POLA1: variants seen among roughly 807,000 people sequenced by gnomAD.
POLA1 encodes the protein DNA polymerase alpha 1, catalytic subunit, also known as DNA polymerase alpha catalytic subunit.
A neutral mutation model predicts 124.0 loss-of-function variants in POLA1; 15 were observed. The ratio of observed to expected loss-of-function variants is 0.12; its 90% CI spans 0.08 to 0.19. POLA1 has a LOEUF of 0.19. POLA1 is among the 10% of genes least tolerant of loss of function. The probability of loss-of-function intolerance (pLI) is 1.00; values close to 1 mark genes in which losing one functional copy is unlikely to be tolerated. For missense variants in POLA1, 886 were observed against 1,103.4 expected (o/e 0.80, Z 2.79); for synonymous variants, 408 against 389.4 (o/e 1.05, Z -0.56).
chrX:24,857,810 G>A (rs970258975), intron 34 of POLA1, among the ~76,000 whole-genome samples: 1 of 111,011 alleles, frequency 9.0e-6, no homozygotes, highest in Non-Finnish European at 1.9e-5. Context: ...CTTTTGTATT[G>A]TAATTTTACT....
chrX:24,988,947 C>A (rs770689993), intron 36 of POLA1, among the ~76,000 whole-genome samples: 2 of 111,579 alleles, frequency 1.8e-5, no homozygotes, highest in African/African-American at 6.5e-5. Context: ...GCCTGGGTGA[C>A]AAAGTGAGAC....
intron 34 of POLA1, among the ~76,000 whole-genome samples, chrX:24,846,404 T>G (rs951392362): frequency 2.7e-5 from 3 of 111,915 alleles, no homozygotes; most frequent in Non-Finnish European, 3.8e-5. Context: ...GTCTTGAGAT[T>G]TGATGAAGTG....
intron 36 of POLA1, among the ~76,000 whole-genome samples, chrX:24,966,245 G>GT (rs1458781439): frequency 2.7e-5 from 3 of 111,106 alleles, no homozygotes; most frequent in Non-Finnish European, 5.7e-5. Context: ...AATAAAACAT[G>GT]TTTTTTTTCC....
At chrX:24,960,460 A>G (rs1319491461) in intron 36 of POLA1, among the ~76,000 whole-genome samples, 1 of 111,623 alleles carries the variant, frequency 9.0e-6, no homozygotes, top group Non-Finnish European at 1.9e-5. Flanking sequence ...CGGCGAGTGA[A>G]CCAACTGGGA....
chrX:24,764,913 C>G lies in POLA1; in HGVS notation c.2964+15921C>G, dbSNP rs1173594559. On this transcript the variant is annotated intron_variant, in intron 26 of 36. Coordinates refer to ENST00000379068, the MANE Select transcript of POLA1 (RefSeq NM_001330360.2). ...GGTGTCTCCCTTCTACTCTTGTCCC[C>G]CCCAATCTATTCTCAACCCTATATT... 3.6e-5 allele frequency among the ~76,000 whole-genome samples: 4 copies of G among 111,226 alleles called. No homozygotes were observed. The East Asian group carries it at 8.5e-4, about 24-fold the overall frequency.
intron 36 of POLA1, among the ~76,000 whole-genome samples, chrX:24,953,044 A>G (rs1357124190): frequency 1.8e-5 from 2 of 112,321 alleles, no homozygotes; most frequent in Non-Finnish European, 3.8e-5. Context: ...GCTAATCTTC[A>G]CAATAATCTG....
At chrX:24,772,226 T>C (rs1281722072) in intron 26 of POLA1, among the ~76,000 whole-genome samples, 1 of 111,825 alleles carries the variant, frequency 8.9e-6, no homozygotes, top group Non-Finnish European at 1.9e-5. Flanking sequence ...GCAATAAACA[T>C]CTTCTACATG....
At chrX:24,863,267 C>A (rs933468307) in intron 34 of POLA1, among the ~76,000 whole-genome samples, 7 of 107,861 alleles carry the variant, frequency 6.5e-5, no homozygotes, top group Non-Finnish European at 1.2e-4. Flanking sequence ...TGCCCCCCCC[C>A]ATCTTCCACC....
Position 24,824,440 on chromosome X carries a change from A to G in POLA1, c.3562-1987A>G, listed in dbSNP as rs776527773. The stretch of plus-strand genomic sequence containing the variant: ...CCTGAGTAGCTGGGACCACAGATGC[A>G]TGCCTCCATGCCTGGCTAACTTTTT... On this transcript the variant is annotated intron_variant, in intron 31 of 36. Transcript: ENST00000379068. 1.6e-4 allele frequency among the ~76,000 whole-genome samples: 16 copies of G among 102,310 alleles called. No individual in the cohort carries two copies. The South Asian group carries it at 3.4e-3, about 22-fold the overall frequency. 88.8% of individuals were successfully genotyped at this position (102,310 alleles called of 115,157 possible).
chrX:24,810,329 G>T (rs1292787869), intron 27 of POLA1, among the ~76,000 whole-genome samples: 1 of 111,241 alleles, frequency 9.0e-6, no homozygotes, highest in East Asian at 2.8e-4. Context: ...TTATGTTTCC[G>T]CTTCTTAAAT....
chrX:24,909,527 T>C (rs2047415344), intron 35 of POLA1, among the ~76,000 whole-genome samples: 1 of 111,093 alleles, frequency 9.0e-6, no homozygotes, highest in South Asian at 3.9e-4. Context: ...GTCAGGTTTG[T>C]CAAAGATCAG....
intron 26 of POLA1, among the ~76,000 whole-genome samples, chrX:24,763,705 T>C (rs895305828): frequency 4.5e-5 from 5 of 111,184 alleles, no homozygotes; most frequent in African/African-American, 1.6e-4. Flanking sequence ...TGAAGAGCAT[T>C]TCAGGGAAGT....
chrX:24,862,760 A>G (rs768362724), intron 34 of POLA1, among the ~76,000 whole-genome samples: 6 of 112,263 alleles, frequency 5.3e-5, no homozygotes, highest in African/African-American at 9.7e-5. Flanking sequence ...GCAATTTTCT[A>G]TAATCCAGTA....
At chrX:24,759,391 T>G (rs937108932) in intron 26 of POLA1, among the ~76,000 whole-genome samples, 1 of 112,140 alleles carries the variant, frequency 8.9e-6, no homozygotes, top group South Asian at 3.7e-4. Context: ...ATTTCAGATG[T>G]TTTTTTGTTC....
Position 24,716,400 on chromosome X carries a change from G to T in POLA1, c.564G>T (p.Lys188Asn). Reference sequence around the variant, plus strand: ...CTCCACCACCTGTAATGATACTGAAGAAGAAAAGATCCATTGGAGCTTCAC... The same window carrying T: ...CTCCACCACCTGTAATGATACTGAATAAGAAAAGATCCATTGGAGCTTCAC... Reference protein sequence around the residue: ...QITPPPVMILKKKRSIGASPN... With the variant: ...QITPPPVMILNKKRSIGASPN... Residue 188 changes from lysine (K) to asparagine (N), a missense_variant, in exon 7 of 37, where the codon AAG becomes AAT. Around this residue, in one of 7 missense-constraint regions of POLA1, gnomAD observed 337 missense variants for 402.8 expected, o/e 0.84. Transcript: ENST00000379068. The T allele has an allele frequency of 1.7e-6, 2 of 1,191,425 alleles. No individual in the cohort carries two copies. Among genetic ancestry groups the T allele is most frequent in the Non-Finnish European group, 2.3e-6 (2 of 877,107 alleles).
intron 29 of POLA1, among the ~76,000 whole-genome samples, chrX:24,813,163 G>A (rs1003829081): frequency 1.8e-5 from 2 of 110,749 alleles, no homozygotes; most frequent in African/African-American, 6.6e-5. Context: ...AGTTGGTTTC[G>A]TTGATGTTGG....
chrX:24,841,680 T>A lies in POLA1; in HGVS notation c.3765T>A (p.His1255Gln). 8.4e-7 allele frequency: 1 copy of A among 1,190,882 alleles called. No individual in the cohort carries two copies. The change falls in exon 33 of 37, where the codon CAT becomes CAA. Residue 1255 changes from histidine to glutamine, a missense_variant. Around this residue, in one of 7 missense-constraint regions of POLA1, gnomAD observed 313 missense variants for 359.7 expected, o/e 0.87. Coordinates refer to ENST00000379068, the MANE Select transcript of POLA1 (RefSeq NM_001330360.2). The part of the protein sequence containing the change: ...LGLDPTQFRV[H>Q]HYHKDEENDA... The stretch of plus-strand genomic sequence containing the variant: ...TTGACCCCACCCAATTTAGAGTTCA[T>A]CATTATCATAAAGATGAAGAGAATG...
chrX:24,739,695 GTT>G (rs1931518657), intron 20 of POLA1, 145 bp downstream of exon 20: 7 of 397,018 alleles, frequency 1.8e-5, no homozygotes, highest in Non-Finnish European at 3.0e-5. Flanking sequence ...ATTTGAACTA[GTT>G]TACCTCTTGA....
intron 35 of POLA1, among the ~76,000 whole-genome samples, chrX:24,907,768 G>A (rs1264581586): frequency 1.8e-5 from 2 of 112,119 alleles, no homozygotes; most frequent in Non-Finnish European, 3.8e-5. Flanking sequence ...AGGAAACTTG[G>A]AACATCATGG....
Sources: allele counts gnomAD v4.1 joint callset (sites outside exome capture counted in the v4.1 genomes callset), GRCh38; gene constraint gnomAD v4.1.1; regional missense constraint gnomAD v4.1.1; transcripts MANE v1.5; gene names NCBI Gene and HGNC (gene_info 2026-07-23, HGNC 2026-07-21).